Variants in HR observed in about 807,000 individuals in gnomAD.
HR encodes the protein HR lysine demethylase and nuclear receptor corepressor.
HR carries 83 observed loss-of-function variants against 128.6 expected under a neutral mutation model. That is an observed-to-expected ratio of 0.65 (90% CI 0.54 to 0.77). The LOEUF is 0.77. Ranked by LOEUF, HR falls within the 30% of genes least tolerant of loss-of-function variation. HR has a pLI of 0.00. For synonymous variants in HR, 681 were observed against 658.2 expected, an observed-to-expected ratio of 1.03 and a Z score of -0.53; for missense variants, 1,490 against 1,574.6, an observed-to-expected ratio of 0.95 and a Z score of 0.91.
intron 10 of HR, 49 bp downstream of exon 10, chr8:22,121,016 C>G: frequency 6.2e-7 from 1 of 1,612,844 alleles, no homozygotes; most frequent in Non-Finnish European, 8.5e-7. Context: ...AGGGCAGGCC[C>G]AGCCTCTGGT....
At chr8:22,115,806 G>A in intron 18 of HR, 44 bp from the exon 19 acceptor site, 1 of 1,580,866 alleles carries the variant, frequency 6.3e-7, no homozygotes, top group South Asian at 1.1e-5. Context: ...CTACATTCCT[G>A]GGCCCACCCG....
Position 22,119,233 on chromosome 8 carries a change from C to A in HR, c.3028G>T (p.Val1010Leu). 1 of 1,613,866 alleles carries A rather than the reference C, an allele frequency of 6.2e-7. No homozygotes were observed. Among genetic ancestry groups the A allele is most frequent in the South Asian group, 1.1e-5 (1 of 91,086 alleles). Residue 1010 changes from valine to leucine, a missense_variant, in exon 15 of 19, where the codon GTG becomes TTG. This residue lies in a region of HR where 423 missense variants were observed against 495.9 expected (regional missense o/e 0.85). Coordinates refer to ENST00000381418, the MANE Select transcript of HR (RefSeq NM_005144.5). ...HLGTKNLCVE[V>L]ADLVSILVHA... ...ACCAGGATGCTGACCAGGTCGGCCA[C>A]CTCCACACAGAGGTTCTTGGTCCCC...
Position 22,118,941 on chromosome 8 carries a change from C to T in HR, c.3213+9G>A. 6.2e-7 allele frequency: 1 copy of T among 1,609,072 alleles called. No individual in the cohort carries two copies. The highest frequency in any genetic ancestry group is 8.5e-7 in the Non-Finnish European group (1 of 1,178,212). The stretch of plus-strand genomic sequence containing the variant: ...GGGGGAAGGGGAGGGCTCCCGGCTG[C>T]CTCCTCACCATCTGGAGAAAGCGGC... On this transcript the variant is annotated intron_variant, in intron 16 of 18. Transcript: ENST00000381418.
At position 22,120,698 on chromosome 8, in the gene HR, AG is replaced by A. The variant is rs1826722550; in HGVS notation, c.2610+17del. 1 of 1,497,952 alleles carries A rather than the reference AG, an allele frequency of 6.7e-7. No homozygotes were observed. Among genetic ancestry groups the A allele is most frequent in the Non-Finnish European group, 8.9e-7 (1 of 1,125,590 alleles). The allele number at this position is 1,497,952 out of a possible 1,614,324, so 92.8% of individuals were successfully genotyped here. ...GTGGGGTGGCCAGGGCCGGGAGGGG[AG>A]GGGAGGGGTGCCTCACCTGGCCCTG... On this transcript the variant is annotated intron_variant, in intron 11 of 18. Transcript: ENST00000381418.
chr8:22,122,104 TG>T (rs994978849), intron 8 of HR, among the ~76,000 whole-genome samples: 5 of 152,216 alleles, frequency 3.3e-5, no homozygotes, highest in African/African-American at 1.2e-4. Context: ...CAAAAAACTT[TG>T]CAGAATGCAC....
chr8:22,128,622 C>G lies in HR; in HGVS notation c.549G>C (p.Pro183=), dbSNP rs555255466. The change falls in exon 2 of 19, where the codon CCG becomes CCC. Residue 183 remains proline, a synonymous_variant. Transcript: ENST00000381418. ...PEHPCDWPLT[P]HPWVYSGGQP... ...GGCCCCCGGAGTATACCCAGGGGTG[C>G]GGGGTCAGGGGCCAGTCACATGGAT... The G allele has an allele frequency of 1.9e-6, 3 of 1,603,394 alleles. No individual in the cohort carries two copies. The highest frequency in any genetic ancestry group is 3.4e-5 in the Admixed American group (2 of 58,006).
chr8:22,129,626 G>C (rs1165512393), intron 1 of HR, among the ~76,000 whole-genome samples: 1 of 152,266 alleles, frequency 6.6e-6, no homozygotes, highest in Non-Finnish European at 1.5e-5. Flanking sequence ...CTGGGCCTCA[G>C]TGTGCCCTTG....
intron 5 of HR, 82 bp downstream of exon 5, chr8:22,125,229 G>A: frequency 7.1e-7 from 1 of 1,416,602 alleles, no homozygotes; most frequent in Non-Finnish European, 9.6e-7. Flanking sequence ...TCTAGGAGCT[G>A]GCAGTGTGGG....
intron 3 of HR, 58 bp downstream of exon 3, chr8:22,126,979 C>T: frequency 1.4e-6 from 2 of 1,469,894 alleles, no homozygotes; most frequent in Non-Finnish European, 9.3e-7. Flanking sequence ...CCATGCGAAG[C>T]CCCAGCCCCG....
chr8:22,118,696 G>A (rs532840535), intron 16 of HR: 15 of 561,886 alleles, frequency 2.7e-5, no homozygotes, highest in South Asian at 6.3e-5. Flanking sequence ...GTCCAGCCTC[G>A]GGCAGCTGGT....
Position 22,127,652 on chromosome 8 carries a change from A to G in HR, c.790T>C (p.Cys264Arg). The G allele has an allele frequency of 6.2e-7, 1 of 1,609,518 alleles. No individual in the cohort carries two copies. The highest frequency in any genetic ancestry group is 8.5e-7 in the Non-Finnish European group (1 of 1,178,828). Residue 264 changes from cysteine to arginine, a missense_variant, in exon 3 of 19, where the codon TGC (cysteine) becomes CGC (arginine). Transcript: ENST00000381418. ...EMGAGRQQNP[C>R]PLFLGQPDTV... ...TCTGGCTGCCCCAGGAAGAGCGGGCAAGGATTCTGCTGCCGGCCAGCTCCC... is the reference window on the plus strand; with the variant it reads ...TCTGGCTGCCCCAGGAAGAGCGGGCGAGGATTCTGCTGCCGGCCAGCTCCC...
At chr8:22,119,616 CAAAAAAA>C in intron 14 of HR, 137 bp downstream of exon 14, 1 of 922,636 alleles carries the variant, frequency 1.1e-6, no homozygotes. Context: ...TCAACAACAA[CAAAAAAA>C]AAAAAAAAGA....
chr8:22,116,870 A>G lies in HR; in HGVS notation c.3378+5T>C. 7 of 1,570,316 alleles carry G rather than the reference A, an allele frequency of 4.5e-6. No individual in the cohort carries two copies. The highest frequency in any genetic ancestry group is 6.0e-6 in the Non-Finnish European group (7 of 1,162,430). On this transcript the variant is annotated splice_donor_5th_base_variant and intron_variant, in intron 17 of 18. Coordinates refer to ENST00000381418, the MANE Select transcript of HR (RefSeq NM_005144.5). This position sits in a 1 kb window ranked among gnomAD's most constrained non-coding sequence, Gnocchi z 4.2. ...CCCGCAGAGCCCCTGCCCGCTGGGA[A>G]GCACCTGGTGGGGAGCCCCTGCAGG...
At chr8:22,120,281 G>T in intron 12 of HR, 61 bp downstream of exon 12, 1 of 1,612,602 alleles carries the variant, frequency 6.2e-7, no homozygotes, top group Non-Finnish European at 8.5e-7. Context: ...GGACTCCTCT[G>T]CCACCCGATC....
intron 6 of HR, 32 bp downstream of exon 6, chr8:22,123,617 T>TTGGGGGGGGGCCCCC: frequency 3.4e-6 from 1 of 292,092 alleles, no homozygotes; most frequent in Non-Finnish European, 6.2e-6. Context: ...GAGGGCTCCA[T>TTGGGGGGGGGCCCCC]CCCGCCCTCC....
In HR at chr8:22,125,486, C is replaced by T. The variant is rs557921105; in HGVS notation, c.1575G>A (p.Glu525=). 346 of 1,613,400 alleles carry T rather than the reference C, an allele frequency of 2.1e-4. No homozygotes were observed. The highest frequency in any genetic ancestry group is 2.8e-4 in the Non-Finnish European group (334 of 1,179,996). The stretch of plus-strand genomic sequence containing the variant: ...TGGCTGTGTCTTCCTCCTGCTGCAG[C>T]TCCCCTCCCAGAGGCGATCTGGAGA... The part of the protein sequence containing the change: ...QQVRRSPLGG[E]LQQEEDTATN... The change falls in exon 5 of 19, where the codon GAG becomes GAA. Residue 525 remains glutamate (E), a synonymous_variant. Transcript: ENST00000381418.
In HR at chr8:22,114,438, C is replaced by T. The variant is rs537998785; in HGVS notation, c.*1262G>A. ...AGTATATTACCCTTATAATAAAAAACTTTATTTAATAAAAAAAATTCCCCA... is the reference window on the plus strand; with the variant it reads ...AGTATATTACCCTTATAATAAAAAATTTTATTTAATAAAAAAAATTCCCCA... On this transcript the variant is annotated 3_prime_UTR_variant, in exon 19 of 19. Coordinates refer to ENST00000381418, the MANE Select transcript of HR (RefSeq NM_005144.5). 2 of 149,906 alleles carry T rather than the reference C, an allele frequency of 1.3e-5. No individual in the cohort carries two copies. Among genetic ancestry groups the T allele is most frequent in the Non-Finnish European group, 3.0e-5 (2 of 67,338 alleles). The allele number at this position is 149,906 out of a possible 1,614,324, so 9.3% of individuals were successfully genotyped here. A position where few individuals can be genotyped will look rare whatever the true frequency, so the allele number is the denominator to read the frequency against.
chr8:22,121,571 C>T (rs1429926557), intron 9 of HR, 42 bp downstream of exon 9: 2 of 1,603,702 alleles, frequency 1.2e-6, no homozygotes, highest in Non-Finnish European at 1.7e-6. Context: ...TCTGGCCCAG[C>T]CTCCCTCTTG....
At chr8:22,119,707 AC>A in intron 14 of HR, 52 bp downstream of exon 14, 2 of 1,559,482 alleles carry the variant, frequency 1.3e-6, no homozygotes, top group Non-Finnish European at 1.7e-6. Flanking sequence ...CCCCGAGATG[AC>A]AGGCAGACAG....
Sources: allele counts gnomAD v4.1 joint callset (sites outside exome capture counted in the v4.1 genomes callset), GRCh38; gene constraint gnomAD v4.1.1; regional missense constraint gnomAD v4.1.1; non-coding constraint Gnocchi (gnomAD v3.1); transcripts MANE v1.5; gene names NCBI Gene and HGNC (gene_info 2026-07-23, HGNC 2026-07-21).